PTPRM: variants seen among roughly 807,000 people sequenced by gnomAD.
The protein encoded by PTPRM is protein tyrosine phosphatase receptor type M.
In PTPRM, 47 loss-of-function variants were observed where a neutral mutation model predicts 186.7. The ratio of observed to expected loss-of-function variants is 0.25; its 90% CI spans 0.20 to 0.32. The LOEUF (loss-of-function observed/expected upper bound fraction) is 0.32. Among genes scored for constraint, PTPRM ranks in the 10% least tolerant of loss-of-function variants. The pLI is 1.00. For synonymous variants in PTPRM, 668 were observed against 674.9 expected (o/e 0.99, Z 0.16); for missense variants, 1,494 against 1,865.0 (o/e 0.80, Z 3.66).
intron 14 of PTPRM, among the ~76,000 whole-genome samples, chr18:8,191,235 C>T (rs958780751): frequency 6.6e-6 from 1 of 152,160 alleles, no homozygotes; most frequent in African/African-American, 2.4e-5. Flanking sequence ...GGTAATGTGC[C>T]CTGCAAACTC....
chr18:7,752,398 C>T (rs960388196), intron 1 of PTPRM, among the ~76,000 whole-genome samples: 6 of 151,930 alleles, frequency 3.9e-5, no homozygotes, highest in Non-Finnish European at 8.8e-5. Flanking sequence ...GGAAACATGA[C>T]AGTAATGGTT....
Position 7,863,430 on chromosome 18 carries a change from A to G in PTPRM, c.197-24676A>G, listed in dbSNP as rs766863687. On this transcript the variant is annotated intron_variant, in intron 2 of 32. Transcript: ENST00000580170. ...TGTTCTCATCGTTCGACTCCCTCTT[A>G]TGTGGGAGAACATGCAGTGTTTGGT... Among the ~76,000 whole-genome samples, 47 of 151,538 alleles carry G rather than the reference A, an allele frequency of 3.1e-4. 1 individual carries two copies. The highest frequency in any genetic ancestry group is 5.3e-4 in the Non-Finnish European group (36 of 67,932).
chr18:7,868,725 T>C (rs759683567), intron 2 of PTPRM, among the ~76,000 whole-genome samples: 136 of 152,230 alleles, frequency 8.9e-4, no homozygotes, highest in Admixed American at 1.6e-3. Flanking sequence ...GCTTGAGCTC[T>C]GTGCTGGGAG....
chr18:7,949,185 T>A lies in PTPRM; in HGVS notation c.668T>A (p.Ile223Asn). The stretch of plus-strand genomic sequence containing the variant: ...TCCCCACCCCACTTGATACAGGGCA[T>A]TGATGTGCGAGATGCTCCTCTGAAG... Reference protein sequence around the residue: ...VAGDRLWLQGIDVRDAPLKEI... With the variant: ...VAGDRLWLQGNDVRDAPLKEI... The change falls in exon 6 of 33, where the codon ATT (isoleucine) becomes AAT (asparagine). Residue 223 changes from isoleucine to asparagine, a missense_variant. Coordinates refer to ENST00000580170, the MANE Select transcript of PTPRM (RefSeq NM_001105244.2). 4 of 1,602,714 alleles carry A rather than the reference T, an allele frequency of 2.5e-6. No individual in the cohort carries two copies. Among genetic ancestry groups the A allele is most frequent in the Non-Finnish European group, 3.4e-6 (4 of 1,170,114 alleles).
intron 5 of PTPRM, among the ~76,000 whole-genome samples, chr18:7,943,719 C>A (rs1446367377): frequency 6.6e-6 from 1 of 152,204 alleles, no homozygotes; most frequent in Non-Finnish European, 1.5e-5. Flanking sequence ...CCTCCTCACA[C>A]TTCAGAGCCC....
chr18:7,831,273 C>A (rs2045747147), intron 2 of PTPRM, among the ~76,000 whole-genome samples: 1 of 152,030 alleles, frequency 6.6e-6, no homozygotes, highest in Non-Finnish European at 1.5e-5. Flanking sequence ...CTCTGCCTTT[C>A]TTATCATGTC....
At chr18:8,105,922 C>T (rs1600598670) in intron 11 of PTPRM, among the ~76,000 whole-genome samples, 1 of 152,296 alleles carries the variant, frequency 6.6e-6, no homozygotes, top group East Asian at 1.9e-4. Flanking sequence ...TGATTATAGA[C>T]TCGACAGAGA....
At position 8,380,242 on chromosome 18, in the gene PTPRM, C is replaced by T. The variant is rs1382897791; in HGVS notation, c.3787-54C>T. ...CCTTCTGCATGAAATAACCTAGCTTCTTCTCTTCCCATTTTCCTGAGTATA... is the reference window on the plus strand; with the variant it reads ...CCTTCTGCATGAAATAACCTAGCTTTTTCTCTTCCCATTTTCCTGAGTATA... On this transcript the variant is annotated intron_variant, in intron 28 of 32. Transcript: ENST00000580170. The T allele has an allele frequency of 2.5e-6, 4 of 1,574,486 alleles. No individual in the cohort carries two copies. The Admixed American group carries it at 5.0e-5, about 20-fold the overall frequency.
intron 29 of PTPRM, 141 bp downstream of exon 29, chr18:8,380,568 AAC>A: frequency 2.0e-6 from 2 of 986,648 alleles, no homozygotes; most frequent in Non-Finnish European, 3.0e-6. Context: ...GGGGATGCTG[AAC>A]ACAACGGTTA....
At chr18:8,308,524 C>T (rs977736834) in intron 20 of PTPRM, among the ~76,000 whole-genome samples, 6 of 152,048 alleles carry the variant, frequency 3.9e-5, no homozygotes, top group African/African-American at 1.4e-4. Context: ...TCTAATATGT[C>T]CTAAATGTCA....
intron 31 of PTPRM, among the ~76,000 whole-genome samples, chr18:8,393,313 T>C (rs1478804374): frequency 1.3e-5 from 2 of 152,174 alleles, no homozygotes; most frequent in Non-Finnish European, 2.9e-5. Flanking sequence ...CAAACCCAAA[T>C]GAAGGGATGG....
intron 14 of PTPRM, among the ~76,000 whole-genome samples, chr18:8,153,278 C>G (rs1208050234): frequency 1.3e-5 from 2 of 152,146 alleles, no homozygotes; most frequent in Non-Finnish European, 2.9e-5. Context: ...GCCCTTGTGA[C>G]CCTAGCTAAA....
At chr18:8,219,762 A>C (rs1171871202) in intron 14 of PTPRM, among the ~76,000 whole-genome samples, 1 of 152,212 alleles carries the variant, frequency 6.6e-6, no homozygotes, top group Non-Finnish European at 1.5e-5. Flanking sequence ...GTTAGCAGAA[A>C]GGAATGTTTT....
rs3049398 is a variant in PTPRM at position 8,354,212 on chromosome 18, T to TAAA, written c.3054+10703_3054+10705dup. On this transcript the variant is annotated intron_variant, in intron 23 of 32. Transcript: ENST00000580170. Reference sequence around the variant, plus strand: ...TGGGTGACAGAGTGAGATTCCGTCTTAAAAAAAAAAAAAGTATAATGCAAA... The same window carrying TAAA: ...TGGGTGACAGAGTGAGATTCCGTCTTAAAAAAAAAAAAAAAAGTATAATGCAAA... Among the ~76,000 whole-genome samples the TAAA allele has an allele frequency of 2.6e-3, 380 of 143,872 alleles. 3 individuals carry two copies. Among genetic ancestry groups the TAAA allele is most frequent in the Middle Eastern group, 3.6e-3 (1 of 276 alleles). 94.4% of individuals were successfully genotyped at this position (143,872 alleles called of 152,430 possible).
chr18:7,614,962 A>G (rs1213560990), intron 1 of PTPRM, among the ~76,000 whole-genome samples: 2 of 152,182 alleles, frequency 1.3e-5, no homozygotes, highest in Non-Finnish European at 2.9e-5. Flanking sequence ...GGAGTTGAGA[A>G]TTAAACTTTG....
At chr18:7,799,678 AT>A (rs2043850308) in intron 2 of PTPRM, among the ~76,000 whole-genome samples, 1 of 152,236 alleles carries the variant, frequency 6.6e-6, no homozygotes, top group Non-Finnish European at 1.5e-5. Context: ...GTTAGTTGAT[AT>A]TTTTTGATGC....
intron 14 of PTPRM, among the ~76,000 whole-genome samples, chr18:8,204,959 AATG>A (rs552186846): frequency 1.1e-3 from 173 of 152,224 alleles, no homozygotes; most frequent in Non-Finnish European, 9.7e-4. Flanking sequence ...GGAGACATGA[AATG>A]ATATTTTACT....
chr18:8,303,836 G>C (rs571012734), intron 20 of PTPRM, among the ~76,000 whole-genome samples: 1 of 152,254 alleles, frequency 6.6e-6, no homozygotes, highest in Non-Finnish European at 1.5e-5. Context: ...TGCACTGGAG[G>C]TGGCATCTCC....
chr18:7,595,735 ATAT>A (rs890869921), intron 1 of PTPRM, among the ~76,000 whole-genome samples: 3 of 152,170 alleles, frequency 2.0e-5, no homozygotes, highest in East Asian at 1.9e-4. Context: ...CTTCATAGTG[ATAT>A]TATTAAGACT....
Sources: gnomAD v4.1 joint callset for allele counts (sites outside exome capture counted in the v4.1 genomes callset) on GRCh38, gnomAD v4.1.1 for gene constraint, MANE v1.5 for transcripts, NCBI Gene and HGNC (gene_info 2026-07-23, HGNC 2026-07-21) for gene names.